The following LDLRAD4 variants were observed in gnomAD, a reference collection of about 807,000 sequenced individuals.
The protein encoded by LDLRAD4 is low density lipoprotein receptor class A domain containing 4.
In LDLRAD4, 5 loss-of-function variants were observed where a neutral mutation model predicts 17.0. That is an observed-to-expected ratio of 0.29 (90% CI 0.15 to 0.62). The LOEUF (loss-of-function observed/expected upper bound fraction) is 0.62. LDLRAD4 is among the 20% of genes least tolerant of loss of function. LDLRAD4 has a pLI of 0.84. For synonymous variants in LDLRAD4, 168 were observed against 171.8 expected (o/e 0.98, Z 0.17); for missense variants, 340 against 424.7 (o/e 0.80, Z 1.75).
intron 2 of LDLRAD4, among the ~76,000 whole-genome samples, chr18:13,421,582 T>G (rs1047158421): frequency 6.6e-6 from 1 of 152,082 alleles, no homozygotes; most frequent in African/African-American, 2.4e-5. Context: ...TCCCTAGGCA[T>G]CTGGTAGCCG....
At chr18:13,364,368 T>A (rs1393275659) in intron 1 of LDLRAD4, among the ~76,000 whole-genome samples, 1 of 152,184 alleles carries the variant, frequency 6.6e-6, no homozygotes, top group East Asian at 1.9e-4. Flanking sequence ...GACAAGGTCT[T>A]GCTCTGTCAC....
At chr18:13,394,738 A>G (rs2086526240) in intron 2 of LDLRAD4, among the ~76,000 whole-genome samples, 1 of 152,236 alleles carries the variant, frequency 6.6e-6, no homozygotes, top group Admixed American at 6.5e-5. Context: ...GTTTGAGATG[A>G]ATCCTCTGCC....
At chr18:13,585,166 G>T (rs1601554023) in intron 3 of LDLRAD4, among the ~76,000 whole-genome samples, 1 of 152,222 alleles carries the variant, frequency 6.6e-6, no homozygotes, top group South Asian at 2.1e-4. Flanking sequence ...CAGACAGCCT[G>T]AGTAGCTCAT....
At chr18:13,558,295 A>T (rs1272553720) in intron 3 of LDLRAD4, among the ~76,000 whole-genome samples, 1 of 152,204 alleles carries the variant, frequency 6.6e-6, no homozygotes, top group African/African-American at 2.4e-5. Flanking sequence ...GGTTCTGAAG[A>T]CACATCCCTG....
chr18:13,387,735 G>A, exon 2 of LDLRAD4: 3 of 1,614,046 alleles, frequency 1.9e-6, no homozygotes, highest in Non-Finnish European at 2.5e-6. Context: ...GCCGGAAGCT[G>A]GTTTTCAGGC....
At chr18:13,527,968 T>C (rs564724183) in intron 3 of LDLRAD4, among the ~76,000 whole-genome samples, 1 of 152,296 alleles carries the variant, frequency 6.6e-6, no homozygotes, top group Admixed American at 6.5e-5. Flanking sequence ...GCTGCCTCCA[T>C]TTCTCTGTCG....
At chr18:13,605,641 C>T (rs1046883568) in intron 3 of LDLRAD4, among the ~76,000 whole-genome samples, 2 of 152,170 alleles carry the variant, frequency 1.3e-5, no homozygotes, top group Non-Finnish European at 1.5e-5. Flanking sequence ...CAGCACAGAG[C>T]GGAGGACAGC....
intron 2 of LDLRAD4, among the ~76,000 whole-genome samples, chr18:13,399,216 GA>G (rs202107055): frequency 5.5e-4 from 83 of 150,938 alleles, no homozygotes; most frequent in African/African-American, 1.9e-3. Context: ...AGAAAAAAAA[GA>G]AAAAAAAAGA....
intron 3 of LDLRAD4, chr18:13,522,042 A>G (rs190080875): frequency 5.9e-5 from 9 of 151,962 alleles, no homozygotes; most frequent in South Asian, 2.1e-4. Context: ...AACAAATGCT[A>G]CTTGTTGAAC....
chr18:13,615,578 T>C (rs1026568569), intron 3 of LDLRAD4: 11 of 152,290 alleles, frequency 7.2e-5, no homozygotes, highest in Non-Finnish European at 1.5e-4. Context: ...CCACTTCTTC[T>C]GTTCCTGTAA....
chr18:13,227,439 G>T (rs1331916804), intron 1 of LDLRAD4, among the ~76,000 whole-genome samples: 1 of 152,182 alleles, frequency 6.6e-6, no homozygotes, highest in African/African-American at 2.4e-5. Context: ...CAGGTGGGGA[G>T]ACCCTCATGT....
intron 1 of LDLRAD4, among the ~76,000 whole-genome samples, chr18:13,369,308 C>T (rs2084290567): frequency 6.6e-6 from 1 of 152,228 alleles, no homozygotes; most frequent in Non-Finnish European, 1.5e-5. Context: ...CCTCTAGTTG[C>T]TGTCCAACCT....
intron 3 of LDLRAD4, among the ~76,000 whole-genome samples, chr18:13,492,462 G>C (rs1292619866): frequency 1.3e-5 from 2 of 152,212 alleles, no homozygotes; most frequent in Non-Finnish European, 2.9e-5. Flanking sequence ...GAATCTGCCT[G>C]CTCCTGTGCG....
chr18:13,396,964 C>T (rs909287243), intron 2 of LDLRAD4, among the ~76,000 whole-genome samples: 8 of 152,070 alleles, frequency 5.3e-5, no homozygotes, highest in Non-Finnish European at 1.0e-4. Context: ...TAAAGAATTC[C>T]TTTAAAGAAG....
intron 4 of LDLRAD4, among the ~76,000 whole-genome samples, chr18:13,640,850 A>G (rs1399556155): frequency 6.6e-6 from 1 of 152,184 alleles, no homozygotes; most frequent in East Asian, 1.9e-4. Flanking sequence ...GAAGAGGGGC[A>G]CCTGGGTTCA....
At chr18:13,610,188 C>T (rs2039363077) in intron 3 of LDLRAD4, among the ~76,000 whole-genome samples, 1 of 148,892 alleles carries the variant, frequency 6.7e-6, no homozygotes, top group Non-Finnish European at 1.5e-5. Flanking sequence ...TATTTATAAC[C>T]ATTTCAAAAT....
At chr18:13,420,928 A>G (rs575764221) in intron 2 of LDLRAD4, 2 of 152,364 alleles carry the variant, frequency 1.3e-5, no homozygotes, top group Admixed American at 1.3e-4. Flanking sequence ...GGGGTGACTT[A>G]GTTCAGCAAG....
At chr18:13,631,078 G>T (rs149419248) in intron 4 of LDLRAD4, among the ~76,000 whole-genome samples, 5 of 152,214 alleles carry the variant, frequency 3.3e-5, no homozygotes, top group African/African-American at 1.2e-4. Flanking sequence ...ACACGTGGAC[G>T]CATGGCAGCA....
At chr18:13,643,537 G>A (rs1386387805) in intron 5 of LDLRAD4, 125 bp downstream of exon 6, 1 of 473,994 alleles carries the variant, frequency 2.1e-6, no homozygotes, top group African/African-American at 2.0e-5. Context: ...CACTTTTGGA[G>A]GAAGGCATTG....
Sources: allele counts gnomAD v4.1 joint callset (sites outside exome capture counted in the v4.1 genomes callset), GRCh38; gene constraint gnomAD v4.1.1; transcripts MANE v1.5; gene names NCBI Gene and HGNC (gene_info 2026-07-23, HGNC 2026-07-21).